Variants in CHST11 observed in about 807,000 individuals in gnomAD.
CHST11 encodes the protein carbohydrate sulfotransferase 11.
Under a neutral mutation model 30.4 loss-of-function variants are expected in CHST11, and 9 were observed. The observed-to-expected ratio is 0.30, with a 90% confidence interval of 0.18 to 0.52. CHST11 has a LOEUF of 0.52. Among genes scored for constraint, CHST11 ranks in the 20% least tolerant of loss-of-function variants. The pLI, the probability that CHST11 is intolerant of heterozygous loss-of-function variation, is 0.97. For synonymous variants in CHST11, 152 were observed against 187.8 expected (o/e 0.81, Z 1.56); for missense variants, 348 against 460.6 (o/e 0.76, Z 2.24).
chr12:104,495,428 T>C (rs148498992), intron 1 of CHST11, among the ~76,000 whole-genome samples: 40 of 152,332 alleles, frequency 2.6e-4, no homozygotes, highest in African/African-American at 9.4e-4. Flanking sequence ...CCATTTTATA[T>C]TCCTACCAAC....
At chr12:104,573,239 G>A (rs542432192) in intron 1 of CHST11, among the ~76,000 whole-genome samples, 212 of 152,174 alleles carry the variant, frequency 1.4e-3, no homozygotes, top group African/African-American at 4.1e-3. Context: ...AACATTCCAT[G>A]CTCATGGATA....
At chr12:104,684,256 G>GTGGA (rs71069772) in intron 2 of CHST11, among the ~76,000 whole-genome samples, 42,124 of 147,828 alleles carry the variant, frequency 0.28, 5,914 homozygotes, top group South Asian at 0.34. Context: ...GGTACAAAAT[G>GTGGA]TGGATGGATG....
intron 2 of CHST11, among the ~76,000 whole-genome samples, chr12:104,633,832 C>T (rs900446316): frequency 1.3e-5 from 2 of 152,246 alleles, no homozygotes; most frequent in East Asian, 1.9e-4. Flanking sequence ...CATCTCAGAG[C>T]CCTCTGTCCC....
At chr12:104,700,763 T>C (rs1040251300) in intron 2 of CHST11, among the ~76,000 whole-genome samples, 4 of 152,180 alleles carry the variant, frequency 2.6e-5, no homozygotes, top group South Asian at 2.1e-4. Context: ...GGGAAGCTTT[T>C]TGGGAGAATG....
intron 1 of CHST11, among the ~76,000 whole-genome samples, chr12:104,577,999 A>G (rs1205757473): frequency 6.6e-6 from 1 of 152,214 alleles, no homozygotes; most frequent in Non-Finnish European, 1.5e-5. Flanking sequence ...AGGGAAGTCC[A>G]CAAAAGCCAG....
intron 1 of CHST11, among the ~76,000 whole-genome samples, chr12:104,487,537 C>T (rs1442500913): frequency 6.6e-6 from 1 of 152,232 alleles, no homozygotes; most frequent in African/African-American, 2.4e-5. Flanking sequence ...GTTAGTATTA[C>T]AGGCATGAGC....
At chr12:104,672,217 G>T (rs1041191186) in intron 2 of CHST11, among the ~76,000 whole-genome samples, 2 of 150,714 alleles carry the variant, frequency 1.3e-5, no homozygotes, top group African/African-American at 2.5e-5. Context: ...TGCACAGGGG[G>T]GTGGACCGTG....
At chr12:104,638,974 G>C (rs1566018467) in intron 2 of CHST11, among the ~76,000 whole-genome samples, 1 of 152,208 alleles carries the variant, frequency 6.6e-6, no homozygotes, top group East Asian at 1.9e-4. Context: ...CTTGAGCTGA[G>C]ATTGTCTCTT....
At chr12:104,542,674 G>C (rs1245845836) in intron 1 of CHST11, among the ~76,000 whole-genome samples, 1 of 152,248 alleles carries the variant, frequency 6.6e-6, no homozygotes, top group Non-Finnish European at 1.5e-5. Flanking sequence ...CTAATGAGTA[G>C]ACAGTTGTTG....
chr12:104,673,764 G>C (rs142467840), intron 2 of CHST11, among the ~76,000 whole-genome samples: 2 of 152,316 alleles, frequency 1.3e-5, no homozygotes, highest in African/African-American at 4.8e-5. Flanking sequence ...ATTTGTTGCC[G>C]TGTGACCTTG....
intron 1 of CHST11, among the ~76,000 whole-genome samples, chr12:104,565,338 C>T (rs1177654145): frequency 1.4e-5 from 2 of 138,528 alleles, no homozygotes; most frequent in East Asian, 4.3e-4. Flanking sequence ...ATGATCTTGG[C>T]TCACTGTAAC....
intron 1 of CHST11, among the ~76,000 whole-genome samples, chr12:104,477,591 T>C (rs2037575908): frequency 6.6e-6 from 1 of 152,052 alleles, no homozygotes; most frequent in Non-Finnish European, 1.5e-5. Flanking sequence ...TTAGTGCCCT[T>C]ATAAAAGAGA....
intron 1 of CHST11, among the ~76,000 whole-genome samples, chr12:104,501,208 C>T (rs1420228995): frequency 1.3e-5 from 2 of 152,176 alleles, no homozygotes; most frequent in East Asian, 1.9e-4. Context: ...AAGGACTCCT[C>T]TTCCTTGTTT....
Position 104,722,155 on chromosome 12 carries a change from A to AGTGTGTGTGTGTGTGTGTGTGT in CHST11, c.205-34781_205-34760dup, listed in dbSNP as rs57545833. On this transcript the variant is annotated intron_variant, in intron 2 of 2. Transcript: ENST00000303694. ...TGGCGCATACTACCACACTCAGCTA[A>AGTGTGTGTGTGTGTGTGTGTGT]GTGTGTGTGTGTGTGTGTGTGTGTG... 5.4e-3 allele frequency among the ~76,000 whole-genome samples: 738 copies of AGTGTGTGTGTGTGTGTGTGTGT among 137,556 alleles called. 25 individuals carry two copies. The highest frequency in any genetic ancestry group is 0.02 in the African/African-American group (671 of 34,074). 90.2% of individuals were successfully genotyped at this position (137,556 alleles called of 152,430 possible). A position where few individuals can be genotyped will look rare whatever the true frequency, so the allele number is the denominator to read the frequency against.
At chr12:104,703,334 G>A (rs1292640010) in intron 2 of CHST11, among the ~76,000 whole-genome samples, 1 of 152,186 alleles carries the variant, frequency 6.6e-6, no homozygotes, top group Non-Finnish European at 1.5e-5. Flanking sequence ...TGACAGGTCT[G>A]AAACAGCTCA....
At chr12:104,584,616 C>T (rs573415004) in intron 1 of CHST11, among the ~76,000 whole-genome samples, 114 of 152,092 alleles carry the variant, frequency 7.5e-4, no homozygotes, top group Non-Finnish European at 1.3e-3. Context: ...AACCAAGGTC[C>T]CGACCCACAT....
At chr12:104,603,706 G>A (rs2136048405) in intron 2 of CHST11, among the ~76,000 whole-genome samples, 1 of 152,346 alleles carries the variant, frequency 6.6e-6, no homozygotes, top group Non-Finnish European at 1.5e-5. Flanking sequence ...GTGGTCAGGA[G>A]GGTGGCTTCC....
At chr12:104,587,542 C>T (rs952023251) in intron 1 of CHST11, among the ~76,000 whole-genome samples, 1 of 152,042 alleles carries the variant, frequency 6.6e-6, no homozygotes, top group African/African-American at 2.4e-5. Flanking sequence ...GGACTACAGG[C>T]GTGCACCACC....
At position 104,757,511 on chromosome 12, in the gene CHST11, A is replaced by G; in HGVS notation, c.767A>G (p.Asn256Ser). ...CACACCCAGCGGGAGGAGCCTTTCA[A>G]CGAACACTGGCAAACCGTCTACTCA... ...DPHTQREEPF[N>S]EHWQTVYSLC... The change falls in exon 3 of 3, where the codon AAC becomes AGC. Residue 256 changes from asparagine (N) to serine (S), a missense_variant. Physicochemically the swap from Asn to Ser is conservative, Grantham distance 46. Around this residue, in one of 3 missense-constraint regions of CHST11, gnomAD observed 210 missense variants for 287.2 expected, o/e 0.73. Transcript: ENST00000303694. This position sits in a 1 kb window ranked among gnomAD's most constrained non-coding sequence, Gnocchi z 6.5. The G allele has an allele frequency of 6.2e-7, 1 of 1,614,170 alleles. No homozygotes were observed. Among genetic ancestry groups the G allele is most frequent in the Non-Finnish European group, 8.5e-7 (1 of 1,180,032 alleles).
Sources: gnomAD v4.1 joint callset for allele counts (sites outside exome capture counted in the v4.1 genomes callset) on GRCh38, gnomAD v4.1.1 for gene constraint, gnomAD v4.1.1 regional missense constraint, Gnocchi (gnomAD v3.1) non-coding constraint, MANE v1.5 for transcripts, NCBI Gene and HGNC (gene_info 2026-07-23, HGNC 2026-07-21) for gene names.